ADAM2: variants seen among roughly 807,000 people sequenced by gnomAD.
The protein encoded by ADAM2 is ADAM metallopeptidase domain 2.
In ADAM2, 101 loss-of-function variants were observed where a neutral mutation model predicts 99.3. That is an observed-to-expected ratio of 1.02 (90% confidence interval 0.87 to 1.20). The LOEUF is 1.20. Among genes scored for constraint, ADAM2 ranks in the 50% most tolerant of loss-of-function variants. The pLI is 0.00. For missense variants in ADAM2, 948 were observed against 878.7 expected (o/e 1.08, Z -1.00); for synonymous variants, 323 against 287.6 (o/e 1.12, Z -1.25).
At chr8:39,767,971 A>G (rs564303059) in intron 12 of ADAM2, among the ~76,000 whole-genome samples, 2 of 152,172 alleles carry the variant, frequency 1.3e-5, no homozygotes, top group Admixed American at 6.5e-5. Flanking sequence ...GTAAATTGGA[A>G]AAAGAAATTT....
At chr8:39,748,397 A>G (rs536227150) in intron 18 of ADAM2, among the ~76,000 whole-genome samples, 2 of 152,314 alleles carry the variant, frequency 1.3e-5, no homozygotes, top group South Asian at 2.1e-4. Context: ...AATTGTTGCT[A>G]GTAAAATGGA....
intron 15 of ADAM2, among the ~76,000 whole-genome samples, chr8:39,756,589 A>C (rs981985063): frequency 1.3e-5 from 2 of 152,186 alleles, no homozygotes; most frequent in East Asian, 3.9e-4. Flanking sequence ...GATAGACAAC[A>C]TATGTTATCT....
chr8:39,779,254 T>G (rs976718396), intron 10 of ADAM2, among the ~76,000 whole-genome samples: 15 of 152,144 alleles, frequency 9.9e-5, no homozygotes, highest in Non-Finnish European at 4.4e-5. Flanking sequence ...GGTTGGCATC[T>G]GCTGAGACCT....
At chr8:39,787,531 A>ACTCT (rs3035050) in intron 9 of ADAM2, among the ~76,000 whole-genome samples, 25 of 131,788 alleles carry the variant, frequency 1.9e-4, no homozygotes, top group African/African-American at 7.8e-4. Context: ...AATCTTAAAA[A>ACTCT]CTCTCTCTCT....
intron 10 of ADAM2, among the ~76,000 whole-genome samples, chr8:39,786,183 C>G (rs915436510): frequency 5.9e-5 from 9 of 152,156 alleles, no homozygotes; most frequent in Non-Finnish European, 1.2e-4. Context: ...GAAAAACTAA[C>G]TAGTGGGTAC....
intron 3 of ADAM2, among the ~76,000 whole-genome samples, chr8:39,832,250 A>C (rs1382192159): frequency 6.6e-6 from 1 of 152,206 alleles, no homozygotes; most frequent in Non-Finnish European, 1.5e-5. Context: ...CTAGCTCTGC[A>C]TACAGTCCAG....
At chr8:39,834,116 G>GA in intron 2 of ADAM2, 117 bp from the exon 3 acceptor site, 1 of 557,964 alleles carries the variant, frequency 1.8e-6, no homozygotes, top group Non-Finnish European at 3.1e-6. Flanking sequence ...AATAAAAGGA[G>GA]AAAAAATAGA....
In ADAM2 at chr8:39,838,181, C is replaced by T; in HGVS notation, c.5G>A (p.Trp2Ter). The part of the protein sequence containing the change: M[W>*]RVLFLLSGLG... ...CCCGCTGAGCAGAAACAAGACGCGC[C>T]ACATGGCTTGAAGTCCTGGGTCCCA... Residue 2 changes from tryptophan (W) to a stop codon, truncating the protein, a stop_gained, in exon 1 of 21, where the codon TGG becomes TAG. Coordinates refer to ENST00000265708, the MANE Select transcript of ADAM2 (RefSeq NM_001464.5). LOFTEE classifies it high-confidence loss of function. The T allele has an allele frequency of 6.2e-7, 1 of 1,614,146 alleles. No homozygotes were observed. Among genetic ancestry groups the T allele is most frequent in the East Asian group, 2.2e-5 (1 of 44,866 alleles).
At chr8:39,765,800 T>G (rs939346142) in intron 14 of ADAM2, among the ~76,000 whole-genome samples, 6 of 152,338 alleles carry the variant, frequency 3.9e-5, no homozygotes, top group African/African-American at 1.4e-4. Context: ...TTTATGTTCA[T>G]TTTGGTTAGT....
chr8:39,764,921 G>A lies in ADAM2; in HGVS notation c.1507+1927C>T, dbSNP rs114404584. Among the ~76,000 whole-genome samples the A allele has an allele frequency of 2.7e-3, 410 of 152,092 alleles. 7 individuals are homozygous for A. Among genetic ancestry groups the A allele is most frequent in the African/African-American group, 9.4e-3 (388 of 41,472 alleles). On this transcript the variant is annotated intron_variant, in intron 14 of 20. Transcript: ENST00000265708. ...TCACAGCTACTCAGGAGGCTAGGAG[G>A]CTGAGGCAGGAGAATCACTGGAACA...
At chr8:39,815,501 A>G (rs1804907532) in intron 6 of ADAM2, among the ~76,000 whole-genome samples, 1 of 152,146 alleles carries the variant, frequency 6.6e-6, no homozygotes, top group Non-Finnish European at 1.5e-5. Flanking sequence ...AGGAATACAG[A>G]TGGTTGAGAA....
chr8:39,791,463 C>CT (rs1433841853), intron 7 of ADAM2, among the ~76,000 whole-genome samples: 1 of 152,052 alleles, frequency 6.6e-6, no homozygotes. Context: ...ATTCTGCTCT[C>CT]TGACAGTCTT....
Position 39,777,659 on chromosome 8 carries a change from A to T in ADAM2, c.892-498T>A, listed in dbSNP as rs118181479. ...CTTCAGTTAACAACACTTACTGTAT[A>T]TGTTGAAATATGTGAGTGGAATTGA... is the stretch of plus-strand genomic sequence containing the variant. On this transcript the variant is annotated intron_variant, in intron 10 of 20. Transcript: ENST00000265708. Among the ~76,000 whole-genome samples the T allele has an allele frequency of 6.8e-4, 104 of 152,116 alleles. 4 individuals are homozygous for T. In the East Asian group the frequency reaches 0.02, roughly 29 times the overall value.
intron 7 of ADAM2, among the ~76,000 whole-genome samples, chr8:39,790,566 A>C (rs1288336395): frequency 6.6e-6 from 1 of 151,996 alleles, no homozygotes; most frequent in Non-Finnish European, 1.5e-5. Flanking sequence ...TAATGGATGC[A>C]AAGTCTTTTT....
chr8:39,802,234 C>CT (rs1402847929), intron 7 of ADAM2, among the ~76,000 whole-genome samples: 2 of 152,192 alleles, frequency 1.3e-5, no homozygotes, highest in Non-Finnish European at 2.9e-5. Flanking sequence ...GGGGATTCCC[C>CT]TTCCCCGTGC....
intron 10 of ADAM2, 35 bp downstream of exon 10, chr8:39,786,939 A>T (rs1253975366): frequency 3.5e-6 from 5 of 1,440,958 alleles, no homozygotes; most frequent in Non-Finnish European, 4.8e-6. Context: ...ATACTAATTT[A>T]TGTAGCATAC....
Position 39,746,484 on chromosome 8 carries a change from T to G in ADAM2, c.2162A>C (p.Tyr721Ser). The G allele has an allele frequency of 6.3e-7, 1 of 1,577,618 alleles. No homozygotes were observed. Among genetic ancestry groups the G allele is most frequent in the Non-Finnish European group, 8.6e-7 (1 of 1,165,870 alleles). Residue 721 changes from tyrosine (Y) to serine (S), a missense_variant, in exon 19 of 21, where the codon TAT (tyrosine) becomes TCT (serine). Physicochemically the swap from Tyr to Ser is moderately radical, Grantham distance 144. Transcript: ENST00000265708. ...GAAATCAATATACTCATCGCTTGAA[T>G]AGTCCTCAGTTCTCCATTTTTTCCT... ...FQRKKWRTED[Y>S]SSDEQPESES...
At chr8:39,763,838 C>G (rs1021867832) in intron 14 of ADAM2, among the ~76,000 whole-genome samples, 1 of 152,176 alleles carries the variant, frequency 6.6e-6, no homozygotes, top group Non-Finnish European at 1.5e-5. Context: ...AATCTGCTAC[C>G]AACATCACCA....
intron 7 of ADAM2, among the ~76,000 whole-genome samples, chr8:39,803,790 C>T (rs939457524): frequency 6.6e-6 from 1 of 152,042 alleles, no homozygotes; most frequent in Non-Finnish European, 1.5e-5. Flanking sequence ...TTTTAAGGAG[C>T]GTTATAAGTG....
Sources: allele counts gnomAD v4.1 joint callset (sites outside exome capture counted in the v4.1 genomes callset), GRCh38; gene constraint gnomAD v4.1.1; transcripts MANE v1.5; gene names NCBI Gene and HGNC (gene_info 2026-07-23, HGNC 2026-07-21).